TET1: variants seen among roughly 807,000 people sequenced by gnomAD.
TET1 encodes the protein methylcytosine dioxygenase TET1.
TET1 carries 13 observed loss-of-function variants against 148.7 expected under a neutral mutation model. The ratio of observed to expected loss-of-function variants is 0.09; its 90% CI spans 0.06 to 0.14. The LOEUF (loss-of-function observed/expected upper bound fraction) is 0.14, where lower values mean the gene tolerates loss of function less well. Among genes scored for constraint, TET1 ranks in the 10% least tolerant of loss-of-function variants. The pLI, the probability that TET1 is intolerant of heterozygous loss-of-function variation, is 1.00. For missense variants in TET1, 2,182 were observed against 2,553.8 expected (o/e 0.85, Z 3.14); for synonymous variants, 907 against 937.2 (o/e 0.97, Z 0.59).
At chr10:68,568,711 C>A (rs572193828) in intron 1 of TET1, among the ~76,000 whole-genome samples, 2 of 152,108 alleles carry the variant, frequency 1.3e-5, no homozygotes, top group African/African-American at 4.8e-5. Flanking sequence ...TTTAGACTGG[C>A]GTGGTGGCAC....
chr10:68,577,545 C>T (rs138239985), intron 2 of TET1, among the ~76,000 whole-genome samples: 32 of 151,882 alleles, frequency 2.1e-4, no homozygotes, highest in African/African-American at 7.5e-4. Flanking sequence ...CATTGGCTCA[C>T]TCCTAGAATC....
At chr10:68,668,025 T>C (rs2055217724) in intron 7 of TET1, among the ~76,000 whole-genome samples, 1 of 152,222 alleles carries the variant, frequency 6.6e-6, no homozygotes, top group Non-Finnish European at 1.5e-5. Flanking sequence ...CCTGAATTTC[T>C]CTTATGAATG....
Position 68,644,850 on chromosome 10 carries a change from G to A in TET1, c.2121G>A (p.Val707=), listed in dbSNP as rs1365795716. ...AAGACAGCATGACAGGCATCGAGGT[G>A]GAGAAGTGGACACAAAACAAGAAAT... ...KNEDSMTGIE[V]EKWTQNKKSQ... The change falls in exon 4 of 12, where the codon GTG becomes GTA. Residue 707 remains valine, a synonymous_variant. Transcript: ENST00000373644. 6.2e-7 allele frequency: 1 copy of A among 1,613,804 alleles called. No homozygotes were observed. The highest frequency in any genetic ancestry group is 2.2e-5 in the East Asian group (1 of 44,852).
Position 68,644,776 on chromosome 10 carries a change from CA to C in TET1, c.2052del (p.Lys684AsnfsTer4), listed in dbSNP as rs2133082818. On this transcript the variant is annotated frameshift_variant, in exon 4 of 12. Coordinates refer to ENST00000373644, the MANE Select transcript of TET1 (RefSeq NM_030625.3). LOFTEE classifies it high-confidence loss of function. ...DYSRCGHGEE[Q>X]KLELNPHTVE... is the part of the protein sequence containing the mutation. ...CAGTAGATGTGGTCATGGGGAAGAA[CA>C]AAAATTGGAATTGAACCCACATACT... 1.2e-6 allele frequency: 2 copies of C among 1,613,212 alleles called. No individual in the cohort carries two copies. Among genetic ancestry groups the C allele is most frequent in the Non-Finnish European group, 1.7e-6 (2 of 1,179,790 alleles).
intron 3 of TET1, among the ~76,000 whole-genome samples, chr10:68,639,958 C>T (rs571372287): frequency 2.4e-4 from 37 of 151,830 alleles, no homozygotes; most frequent in African/African-American, 8.7e-4. Flanking sequence ...GATGGAGGCT[C>T]GCCCTGTCGC....
Position 68,693,088 on chromosome 10 carries a change from T to C in TET1, c.*1274T>C, listed in dbSNP as rs2055614106. On this transcript the variant is annotated 3_prime_UTR_variant, in exon 12 of 12. Transcript: ENST00000373644. Reference sequence around the variant, plus strand: ...GCTAATTCATTTGTTTATCTTAGCATACTAGATTTGGGAAAATGATAACTC... The same window carrying C: ...GCTAATTCATTTGTTTATCTTAGCACACTAGATTTGGGAAAATGATAACTC... 8.7e-6 allele frequency: 2 copies of C among 229,774 alleles called. No homozygotes were observed. Among genetic ancestry groups the C allele is most frequent in the Non-Finnish European group, 1.7e-5 (2 of 117,108 alleles). The allele number at this position is 229,774 out of a possible 1,614,324, so 14.2% of individuals were successfully genotyped here.
rs1489607704 is a variant in TET1 at position 68,652,537 on chromosome 10, A to G, written c.4404A>G (p.Ile1468Met). Residue 1468 changes from isoleucine to methionine, a missense_variant, in exon 6 of 12, where the codon ATA (isoleucine) becomes ATG (methionine). By Grantham distance (10) the Ile-to-Met change is conservative. Around this residue, in one of 11 missense-constraint regions of TET1, gnomAD observed 169 missense variants for 263.7 expected, o/e 0.64. Coordinates refer to ENST00000373644, the MANE Select transcript of TET1 (RefSeq NM_030625.3). Reference protein sequence around the residue: ...GQKGNAIRIEIVVYTGKEGKS... With the variant: ...GQKGNAIRIEMVVYTGKEGKS... ...AAGGAAACGCAATAAGGATAGAAAT[A>G]GTAGTGTACACCGGTAAAGAAGGGA... 10 of 1,613,226 alleles carry G rather than the reference A, an allele frequency of 6.2e-6. No individual in the cohort carries two copies. The East Asian group carries it at 6.7e-5, about 11-fold the overall frequency.
At chr10:68,672,136 A>C (rs963169914) in intron 7 of TET1, among the ~76,000 whole-genome samples, 2 of 152,174 alleles carry the variant, frequency 1.3e-5, no homozygotes, top group Non-Finnish European at 2.9e-5. Flanking sequence ...ATTCCAAAGC[A>C]GTAATAAAAT....
intron 2 of TET1, among the ~76,000 whole-genome samples, chr10:68,591,004 C>T (rs1178529731): frequency 6.6e-6 from 1 of 151,890 alleles, no homozygotes; most frequent in African/African-American, 2.4e-5. Flanking sequence ...TACAGGCATG[C>T]ACCACCACCC....
At chr10:68,588,019 CGCCTGGCT>C (rs1381987990) in intron 2 of TET1, among the ~76,000 whole-genome samples, 7 of 152,170 alleles carry the variant, frequency 4.6e-5, no homozygotes, top group African/African-American at 1.7e-4. Flanking sequence ...CGCACCATTA[CGCCTGGCT>C]AATTTTTGTA....
intron 1 of TET1, among the ~76,000 whole-genome samples, chr10:68,561,310 T>C (rs1293715915): frequency 2.0e-5 from 3 of 152,110 alleles, no homozygotes; most frequent in Non-Finnish European, 4.4e-5. Context: ...GGCGCCTGTC[T>C]CCCCGAGAGT....
At chr10:68,591,474 T>C (rs2053918360) in intron 2 of TET1, among the ~76,000 whole-genome samples, 2 of 152,338 alleles carry the variant, frequency 1.3e-5, no homozygotes, top group South Asian at 4.1e-4. Flanking sequence ...TACAGGGTCA[T>C]CCAGCTGAGA....
At chr10:68,597,560 T>G (rs1264942717) in intron 2 of TET1, among the ~76,000 whole-genome samples, 1 of 152,190 alleles carries the variant, frequency 6.6e-6, no homozygotes, top group East Asian at 1.9e-4. Context: ...GTAAACAATT[T>G]GGTAGTTCCT....
At chr10:68,660,901 T>C (rs1377486780) in intron 6 of TET1, among the ~76,000 whole-genome samples, 1 of 152,108 alleles carries the variant, frequency 6.6e-6, no homozygotes, top group Non-Finnish European at 1.5e-5. Context: ...TGACTTCAGG[T>C]GATCCACCCG....
intron 6 of TET1, among the ~76,000 whole-genome samples, chr10:68,661,818 A>ACACACACACACAC (rs1554809964): frequency 4.6e-4 from 70 of 150,670 alleles, no homozygotes; most frequent in South Asian, 4.0e-3. Flanking sequence ...TTGTTAAAAA[A>ACACACACACACAC]ACACACACAC....
chr10:68,638,035 T>C (rs1301061409), intron 3 of TET1, among the ~76,000 whole-genome samples: 1 of 152,136 alleles, frequency 6.6e-6, no homozygotes, highest in Non-Finnish European at 1.5e-5. Flanking sequence ...TCACTGCAGC[T>C]TCCAAACTGT....
chr10:68,669,168 C>T (rs1211617861), intron 7 of TET1, among the ~76,000 whole-genome samples: 1 of 152,078 alleles, frequency 6.6e-6, no homozygotes, highest in East Asian at 1.9e-4. Context: ...TGGCTTGAGG[C>T]CAGGAGTTTG....
chr10:68,652,542 T>C lies in TET1; in HGVS notation c.4409T>C (p.Val1470Ala), dbSNP rs748296471. 7 of 1,613,304 alleles carry C rather than the reference T, an allele frequency of 4.3e-6. 1 individual carries two copies. In the South Asian group the frequency reaches 7.7e-5, roughly 18 times the overall value. Residue 1470 changes from valine to alanine, a missense_variant, in exon 6 of 12, where the codon GTG (valine) becomes GCG (alanine). Val to Ala is a moderately conservative substitution (Grantham distance 64, BLOSUM62 0). Transcript: ENST00000373644. ...AACGCAATAAGGATAGAAATAGTAG[T>C]GTACACCGGTAAAGAAGGGAAAAGC... ...KGNAIRIEIVVYTGKEGKSSH... is the reference protein window; with the variant it reads ...KGNAIRIEIVAYTGKEGKSSH...
chr10:68,592,825 C>T (rs984681859), intron 2 of TET1, among the ~76,000 whole-genome samples: 3 of 152,176 alleles, frequency 2.0e-5, no homozygotes, highest in African/African-American at 7.2e-5. Context: ...TCTCATTCTA[C>T]ATTACATCAT....
Sources: allele counts gnomAD v4.1 joint callset (sites outside exome capture counted in the v4.1 genomes callset), GRCh38; gene constraint gnomAD v4.1.1; regional missense constraint gnomAD v4.1.1; transcripts MANE v1.5; gene names NCBI Gene and HGNC (gene_info 2026-07-23, HGNC 2026-07-21).